Variants in TTN observed in about 807,000 individuals in gnomAD.
TTN encodes the protein titin.
TTN carries 1,525 observed loss-of-function variants against 3,223.0 expected under a neutral mutation model. The observed-to-expected ratio is 0.47, with a 90% confidence interval of 0.45 to 0.49. The LOEUF is 0.49. Among genes scored for constraint, TTN ranks in the 20% least tolerant of loss-of-function variants. TTN has a pLI of 0.00. For synonymous variants in TTN, 14,094 were observed against 15,161.0 expected, an observed-to-expected ratio of 0.93 and a Z score of 5.17; for missense variants, 40,786 against 43,424.0, an observed-to-expected ratio of 0.94 and a Z score of 5.40.
Position 178,631,139 on chromosome 2 carries a change from C to T in TTN, c.43909G>A (p.Gly14637Ser). ...TTTAGGATTAGCATGCGTTTCTTGC[C>T]ATCTGCCTTAATAACAGCATTTTTG... ...PSKNAVIKAD[G>S]KKRMLILKKA... Residue 14637 changes from glycine (G) to serine (S), a missense_variant, in exon 237 of 363, where the codon GGC becomes AGC. Physicochemically the swap from Gly to Ser is moderately conservative, Grantham distance 56. Transcript: ENST00000589042. 1 of 1,613,266 alleles carries T rather than the reference C, an allele frequency of 6.2e-7. No homozygotes were observed. Among genetic ancestry groups the T allele is most frequent in the Non-Finnish European group, 8.5e-7 (1 of 1,179,580 alleles).
Position 178,741,104 on chromosome 2 carries a change from CTT to C in TTN, c.12127_12128del (p.Lys4043ValfsTer7). ...TDMTDTPCKA[K>X]STPEAPEDFP... is the part of the protein sequence containing the mutation. ...AATCCTCAGGAGCCTCTGGTGTGGA[CTT>C]TGCTTTGCAGGGGGTATCAGTCATG... On this transcript the variant is annotated frameshift_variant, in exon 48 of 363. Transcript: ENST00000589042. LOFTEE classifies it high-confidence loss of function. 1 of 1,613,796 alleles carries C rather than the reference CTT, an allele frequency of 6.2e-7. No individual in the cohort carries two copies. The highest frequency in any genetic ancestry group is 8.5e-7 in the Non-Finnish European group (1 of 1,179,812).
In TTN at chr2:178,549,550, T is replaced by A; in HGVS notation, c.92152+20A>T. 6.2e-7 allele frequency: 1 copy of A among 1,604,958 alleles called. No individual in the cohort carries two copies. The highest frequency in any genetic ancestry group is 8.5e-7 in the Non-Finnish European group (1 of 1,173,556). On this transcript the variant is annotated intron_variant, in intron 338 of 362. Transcript: ENST00000589042. ...GTTAAACTTTTGACATAGTACCGCTTAGTAAAAACGCAAACTTACTATATT... is the reference window on the plus strand; with the variant it reads ...GTTAAACTTTTGACATAGTACCGCTAAGTAAAAACGCAAACTTACTATATT...
In TTN at chr2:178,611,251, C is replaced by T; in HGVS notation, c.50878G>A (p.Glu16960Lys). Residue 16960 changes from glutamate (E) to lysine (K), a missense_variant, in exon 270 of 363, where the codon GAG (glutamate) becomes AAG (lysine). Transcript: ENST00000589042. ...DPDCKPTIDLETHDIIVIEGE... is the reference protein window; with the variant it reads ...DPDCKPTIDLKTHDIIVIEGE... ...TCAATAACAATAATGTCATGAGTCT[C>T]CAGGTCAATTGTTGGCTTGCCTGTA... 1 of 1,612,298 alleles carries T rather than the reference C, an allele frequency of 6.2e-7. No individual in the cohort carries two copies. The highest frequency in any genetic ancestry group is 8.5e-7 in the Non-Finnish European group (1 of 1,179,170).
At chr2:178,556,512 C>T in intron 330 of TTN, 2 of 298,434 alleles carry the variant, frequency 6.7e-6, no homozygotes, top group East Asian at 9.6e-5. Flanking sequence ...TATTTAAGAG[C>T]AATATTCTCT....
Position 178,634,009 on chromosome 2 carries a change from CACAA to C in TTN, c.42486_42489del (p.Cys14163AsnfsTer9), listed in dbSNP as rs797046064. On this transcript the variant is annotated frameshift_variant, in exon 231 of 363. Transcript: ENST00000589042. LOFTEE classifies it high-confidence loss of function. This position sits in a 1 kb window ranked among gnomAD's most constrained non-coding sequence, Gnocchi z 4.6. ...ACATGCATTTTTTCATGAGAAAGTT[CACAA>C]ACAAAAGTTGCTGTTTCACCTTCTT... The C allele has an allele frequency of 6.2e-7, 1 of 1,613,296 alleles. No individual in the cohort carries two copies. The highest frequency in any genetic ancestry group is 1.3e-5 in the African/African-American group (1 of 74,974).
rs1429805491 is a variant in TTN, at chr2:178,800,515, C to G, written c.463G>C (p.Glu155Gln). ...ATCAGTAAGCTGTAGAGGTCGCCTT[C>G]TTGTGAAATTTGGAAATCAAGGGAG... ...QSSLDFQISQ[E>Q]GDLYSLLIAE... is the part of the protein sequence containing the mutation. The change falls in exon 4 of 363, where the codon GAA becomes CAA. Residue 155 changes from glutamate to glutamine, a missense_variant. Physicochemically the swap from Glu to Gln is conservative, Grantham distance 29. Transcript: ENST00000589042. The G allele has an allele frequency of 6.2e-7, 1 of 1,614,178 alleles. No homozygotes were observed. The highest frequency in any genetic ancestry group is 1.1e-5 in the South Asian group (1 of 91,086).
chr2:178,727,359 A>G lies in TTN; in HGVS notation c.20006T>C (p.Phe6669Ser). The change falls in exon 69 of 363, where the codon TTT becomes TCT. Residue 6669 changes from phenylalanine (F) to serine (S), a missense_variant. Coordinates refer to ENST00000589042, the MANE Select transcript of TTN (RefSeq NM_001267550.2). Reference sequence around the variant, plus strand: ...TTTGGAGGCTTCTAATTTCTTTACAAACTTTGGTGGTTCTAAAGAGTCAGG... The same window carrying G: ...TTTGGAGGCTTCTAATTTCTTTACAGACTTTGGTGGTTCTAAAGAGTCAGG... ...TMLLVTEPPKFVKKLEASKIV... is the reference protein window; with the variant it reads ...TMLLVTEPPKSVKKLEASKIV... 6.3e-7 allele frequency: 1 copy of G among 1,596,936 alleles called. No homozygotes were observed. The highest frequency in any genetic ancestry group is 1.1e-5 in the South Asian group (1 of 87,824).
At chr2:178,598,452 A>G in intron 292 of TTN, 54 bp downstream of exon 292, 2 of 1,571,642 alleles carry the variant, frequency 1.3e-6, no homozygotes, top group Non-Finnish European at 1.7e-6. Flanking sequence ...GAGAATAACT[A>G]TGACATTTTT....
chr2:178,691,643 C>T (rs1440368754), intron 121 of TTN, among the ~76,000 whole-genome samples: 4 of 152,174 alleles, frequency 2.6e-5, no homozygotes, highest in African/African-American at 9.7e-5. Flanking sequence ...CTTCATAATG[C>T]ATGAAACTGC....
chr2:178,736,861 T>A (rs556809942), intron 49 of TTN, among the ~76,000 whole-genome samples: 4 of 152,286 alleles, frequency 2.6e-5, no homozygotes, highest in African/African-American at 9.6e-5. Flanking sequence ...GGGTTTTTCT[T>A]AGGATCACGT....
Position 178,678,312 on chromosome 2 carries a change from T to A in TTN, c.33910+102A>T, listed in dbSNP as rs2154269014. On this transcript the variant is annotated intron_variant, in intron 144 of 362. Transcript: ENST00000589042. Reference sequence around the variant, plus strand: ...AATATCTGACATATTTCTAACCAGATAGACACTTTAAAAATGTACAATGTA... The same window carrying A: ...AATATCTGACATATTTCTAACCAGAAAGACACTTTAAAAATGTACAATGTA... The A allele has an allele frequency of 3.3e-6, 5 of 1,508,666 alleles. No individual in the cohort carries two copies. The South Asian group carries it at 6.2e-5, about 19-fold the overall frequency. The allele number at this position is 1,508,666 out of a possible 1,614,324, so 93.5% of individuals were successfully genotyped here. A position where few individuals can be genotyped will look rare whatever the true frequency, so the allele number is the denominator to read the frequency against.
chr2:178,573,695 G>C lies in TTN; in HGVS notation c.72437C>G (p.Pro24146Arg), dbSNP rs1184232674. ...TSEKCVLSWF[P>R]PLDDGGAKID... ...TTTGGCACCTCCATCATCCAGTGGA[G>C]GGAACCATGATAGTACACACTTTTC... The change falls in exon 326 of 363, where the codon CCT becomes CGT. Residue 24146 changes from proline to arginine, a missense_variant. By Grantham distance (103) the Pro-to-Arg change is moderately radical. Transcript: ENST00000589042. 1 of 1,525,016 alleles carries C rather than the reference G, an allele frequency of 6.6e-7. No individual in the cohort carries two copies. 94.5% of individuals were successfully genotyped at this position (1,525,016 alleles called of 1,614,324 possible).
rs747230082 is a variant in TTN, at chr2:178,704,367, T to G, written c.30003A>C (p.Lys10001Asn). 1.2e-6 allele frequency: 2 copies of G among 1,613,960 alleles called. No homozygotes were observed. The highest frequency in any genetic ancestry group is 1.7e-5 in the Admixed American group (1 of 60,028). ...ATGTCATGGTGCAAGTCTGGCCTTC[T>G]TTCAGAGTCACATCCTGAAGATGCC... Reference protein sequence around the residue: ...WERHLQDVTLKEGQTCTMTCQ... With the variant: ...WERHLQDVTLNEGQTCTMTCQ... The change falls in exon 106 of 363, where the codon AAA (lysine) becomes AAC (asparagine). Residue 10001 changes from lysine to asparagine, a missense_variant. Physicochemically the swap from Lys to Asn is moderately conservative, Grantham distance 94. Coordinates refer to ENST00000589042, the MANE Select transcript of TTN (RefSeq NM_001267550.2).
chr2:178,538,866 G>A lies in TTN; in HGVS notation c.98990-27C>T, dbSNP rs2303539. 0.15 allele frequency: 234,318 copies of A among 1,582,260 alleles called. 20,458 individuals are homozygous for A. Among genetic ancestry groups the A allele is most frequent in the East Asian group, 0.43 (19,349 of 44,522 alleles). ...TGAAATATTTTAAAATAATGAAAAG[G>A]GAGTCAGCTTTACTGGTGAAATAAA... is the stretch of plus-strand genomic sequence containing the variant. On this transcript the variant is annotated intron_variant, in intron 353 of 362. Transcript: ENST00000589042.
At chr2:178,613,706 G>T in intron 263 of TTN, 45 bp downstream of exon 263, 4 of 1,575,822 alleles carry the variant, frequency 2.5e-6, no homozygotes, top group South Asian at 1.2e-5. Context: ...GTAAACATTT[G>T]AATATACTGC....
rs1468657909 is a variant in TTN at position 178,735,002 on chromosome 2, A to C, written c.14936-14T>G. On this transcript the variant is annotated splice_polypyrimidine_tract_variant and intron_variant, in intron 50 of 362. Transcript: ENST00000589042. Reference sequence around the variant, plus strand: ...AGGATGGTGGCTCTACATGAAGTTTACAAAAAAGAAAAAGGAGAAGATATC... The same window carrying C: ...AGGATGGTGGCTCTACATGAAGTTTCCAAAAAAGAAAAAGGAGAAGATATC... 6.6e-7 allele frequency: 1 copy of C among 1,521,406 alleles called. No individual in the cohort carries two copies. Among genetic ancestry groups the C allele is most frequent in the Non-Finnish European group, 8.8e-7 (1 of 1,134,738 alleles). 94.2% of individuals were successfully genotyped at this position (1,521,406 alleles called of 1,614,324 possible). A position where few individuals can be genotyped will look rare whatever the true frequency, so the allele number is the denominator to read the frequency against.
At chr2:178,782,078 C>G (rs2092826813) in intron 20 of TTN, 134 bp downstream of exon 20, 1 of 1,101,240 alleles carries the variant, frequency 9.1e-7, no homozygotes, top group Admixed American at 2.5e-5. Flanking sequence ...GTAAAAATAC[C>G]TCAAAACAAA....
Position 178,553,260 on chromosome 2 carries a change from A to G in TTN, c.89640T>C (p.Leu29880=). The G allele has an allele frequency of 6.2e-7, 1 of 1,612,514 alleles. No individual in the cohort carries two copies. Among genetic ancestry groups the G allele is most frequent in the Non-Finnish European group, 8.5e-7 (1 of 1,179,820 alleles). Reference sequence around the variant, plus strand: ...CAATGCTGTATCTGGCATCACTGCCAAGATTCTTCTCATCTTTTCTCCATG... The same window carrying G: ...CAATGCTGTATCTGGCATCACTGCCGAGATTCTTCTCATCTTTTCTCCATG... ...TVTWRKDEKN[L]GSDARYSIEN... is the part of the protein sequence containing the mutation. Residue 29880 remains leucine, a synonymous_variant, in exon 335 of 363, where the codon CTT becomes CTC. Coordinates refer to ENST00000589042, the MANE Select transcript of TTN (RefSeq NM_001267550.2).
At chr2:178,752,133 C>A in intron 47 of TTN, 2 of 1,131,222 alleles carry the variant, frequency 1.8e-6, no homozygotes, top group Non-Finnish European at 1.3e-6. Context: ...AAATAAATTG[C>A]ATGCTACAGA....
Sources: gnomAD v4.1 joint callset for allele counts (sites outside exome capture counted in the v4.1 genomes callset) on GRCh38, gnomAD v4.1.1 for gene constraint, Gnocchi (gnomAD v3.1) non-coding constraint, MANE v1.5 for transcripts, NCBI Gene and HGNC (gene_info 2026-07-23, HGNC 2026-07-21) for gene names.